MOB3B: variants seen among roughly 807,000 people sequenced by gnomAD.
MOB3B encodes the protein MOB kinase activator 3B, also known as MOB kinase activator-like 2B.
In MOB3B, 7 loss-of-function variants were observed where a neutral mutation model predicts 18.7. The observed-to-expected ratio is 0.37, with a 90% confidence interval of 0.21 to 0.70. The LOEUF is 0.70. Ranked by LOEUF, MOB3B falls within the 30% of genes least tolerant of loss-of-function variation. The pLI, the probability that MOB3B is intolerant of heterozygous loss-of-function variation, is 0.52. For missense variants in MOB3B, 253 were observed against 281.3 expected, an observed-to-expected ratio of 0.90 and a Z score of 0.72; for synonymous variants, 111 against 99.9, an observed-to-expected ratio of 1.11 and a Z score of -0.66.
At chr9:27,451,620 G>C (rs1822786366) in intron 2 of MOB3B, among the ~76,000 whole-genome samples, 1 of 152,070 alleles carries the variant, frequency 6.6e-6, no homozygotes, top group Non-Finnish European at 1.5e-5. Flanking sequence ...TATTTCCTTG[G>C]ATCACAGTGG....
chr9:27,443,710 G>A (rs1822631067), intron 2 of MOB3B, among the ~76,000 whole-genome samples: 1 of 152,162 alleles, frequency 6.6e-6, no homozygotes, highest in African/African-American at 2.4e-5. Context: ...GTTGCCCCAA[G>A]GGCTGGGCAC....
At chr9:27,413,237 C>G (rs906483634) in intron 2 of MOB3B, among the ~76,000 whole-genome samples, 3 of 151,894 alleles carry the variant, frequency 2.0e-5, no homozygotes, top group African/African-American at 7.3e-5. Context: ...GCAGAGAGGT[C>G]GGGGGCAAAG....
At chr9:27,492,782 G>A (rs1015689295) in intron 1 of MOB3B, among the ~76,000 whole-genome samples, 7 of 152,176 alleles carry the variant, frequency 4.6e-5, no homozygotes, top group Admixed American at 1.3e-4. Context: ...TCAGGGATAT[G>A]TCTCCAATGT....
intron 1 of MOB3B, among the ~76,000 whole-genome samples, chr9:27,474,243 A>G (rs1439002848): frequency 6.6e-6 from 1 of 152,188 alleles, no homozygotes; most frequent in Non-Finnish European, 1.5e-5. Flanking sequence ...ATTTCCTCCA[A>G]CCATATCTAG....
At chr9:27,518,713 A>G (rs1437180948) in intron 1 of MOB3B, among the ~76,000 whole-genome samples, 1 of 152,228 alleles carries the variant, frequency 6.6e-6, no homozygotes, top group East Asian at 1.9e-4. Context: ...GGTTGATAAA[A>G]TTAAATGACA....
chr9:27,439,794 C>CA (rs35300635), intron 2 of MOB3B, among the ~76,000 whole-genome samples: 4 of 151,584 alleles, frequency 2.6e-5, no homozygotes, highest in South Asian at 2.1e-4. Flanking sequence ...TCTGGCATAG[C>CA]AAAAAAAATG....
At chr9:27,521,387 T>C (rs1482992838) in intron 1 of MOB3B, among the ~76,000 whole-genome samples, 1 of 152,178 alleles carries the variant, frequency 6.6e-6, no homozygotes, top group Non-Finnish European at 1.5e-5. Context: ...CTCCAACACC[T>C]ATGAGCAGAA....
chr9:27,354,045 T>G (rs1037454082), intron 3 of MOB3B, among the ~76,000 whole-genome samples: 1 of 152,170 alleles, frequency 6.6e-6, no homozygotes, highest in African/African-American at 2.4e-5. Flanking sequence ...TGTGCCAGGC[T>G]CCCCCTCCCT....
At chr9:27,457,663 T>G (rs1819201524) in intron 1 of MOB3B, among the ~76,000 whole-genome samples, 1 of 151,334 alleles carries the variant, frequency 6.6e-6, no homozygotes, top group Non-Finnish European at 1.5e-5. Flanking sequence ...TAACAGGTTT[T>G]CACTGAAATG....
chr9:27,473,593 T>C lies in MOB3B; in HGVS notation c.-198-17845A>G, dbSNP rs73437128. 8.2e-3 allele frequency among the ~76,000 whole-genome samples: 1,250 copies of C among 152,202 alleles called. 18 individuals carry two copies. Among genetic ancestry groups the C allele is most frequent in the African/African-American group, 0.028 (1,162 of 41,548 alleles). On this transcript the variant is annotated intron_variant, in intron 1 of 3. Coordinates refer to ENST00000262244, the MANE Select transcript of MOB3B (RefSeq NM_024761.5). ...CCTGACAATAGAAAGCAAGGGGCAGTGTGGGAAGGAATCTAGCACCTTCTC... is the reference window on the plus strand; with the variant it reads ...CCTGACAATAGAAAGCAAGGGGCAGCGTGGGAAGGAATCTAGCACCTTCTC...
chr9:27,508,390 G>A (rs1458425825), intron 1 of MOB3B, among the ~76,000 whole-genome samples: 1 of 152,152 alleles, frequency 6.6e-6, no homozygotes, highest in Non-Finnish European at 1.5e-5. Flanking sequence ...AGCTTCTCCA[G>A]AAGCTGAGGA....
At chr9:27,397,315 AAAAG>A (rs1821815801) in intron 2 of MOB3B, 1 of 152,214 alleles carries the variant, frequency 6.6e-6, no homozygotes, top group African/African-American at 2.4e-5. Context: ...GAAAAAAAAA[AAAAG>A]ATCATCAAGA....
At chr9:27,484,116 C>G (rs766315618) in intron 1 of MOB3B, among the ~76,000 whole-genome samples, 1 of 152,194 alleles carries the variant, frequency 6.6e-6, no homozygotes, top group Non-Finnish European at 1.5e-5. Context: ...TTGTTACCTG[C>G]ATTTCATAAT....
At chr9:27,521,149 G>A (rs1490908584) in intron 1 of MOB3B, among the ~76,000 whole-genome samples, 3 of 152,152 alleles carry the variant, frequency 2.0e-5, no homozygotes, top group Non-Finnish European at 4.4e-5. Flanking sequence ...TTCAACCACA[G>A]CCTCCTCGAG....
chr9:27,443,245 T>G (rs2814699), intron 2 of MOB3B, among the ~76,000 whole-genome samples: 57,632 of 151,996 alleles, frequency 0.38, 11,439 homozygotes, highest in African/African-American at 0.5. Context: ...GTCTTCCCAC[T>G]GCATCTTGAA....
intron 2 of MOB3B, among the ~76,000 whole-genome samples, chr9:27,375,646 A>AC (rs1821479208): frequency 6.6e-6 from 1 of 152,020 alleles, no homozygotes; most frequent in Admixed American, 6.5e-5. Context: ...CCCCACACTC[A>AC]CCCCATGCAT....
At chr9:27,376,495 G>C (rs1821491279) in intron 2 of MOB3B, among the ~76,000 whole-genome samples, 1 of 152,188 alleles carries the variant, frequency 6.6e-6, no homozygotes, top group Non-Finnish European at 1.5e-5. Flanking sequence ...AATGGACACA[G>C]GACTCAAGAA....
chr9:27,346,826 C>T (rs2131344533), intron 3 of MOB3B, among the ~76,000 whole-genome samples: 1 of 152,186 alleles, frequency 6.6e-6, no homozygotes, highest in East Asian at 1.9e-4. Flanking sequence ...GAAACCCTGT[C>T]TCTACTAAAA....
intron 2 of MOB3B, among the ~76,000 whole-genome samples, chr9:27,363,721 G>T (rs1211945481): frequency 6.6e-6 from 1 of 152,020 alleles, no homozygotes; most frequent in African/African-American, 2.4e-5. Flanking sequence ...GAAGGTGAGG[G>T]ACAAGAATAC....
Sources: gnomAD v4.1 joint callset for allele counts (sites outside exome capture counted in the v4.1 genomes callset) on GRCh38, gnomAD v4.1.1 for gene constraint, MANE v1.5 for transcripts, NCBI Gene and HGNC (gene_info 2026-07-23, HGNC 2026-07-21) for gene names.